The following PRRC2B variants were observed in gnomAD, a reference collection of about 807,000 sequenced individuals.
The protein encoded by PRRC2B is protein PRRC2B.
In PRRC2B, 68 loss-of-function variants were observed where a neutral mutation model predicts 242.3. The ratio of observed to expected loss-of-function variants is 0.28; its 90% CI spans 0.23 to 0.34. The LOEUF (loss-of-function observed/expected upper bound fraction) is 0.34, where lower values mean the gene tolerates loss of function less well. PRRC2B is among the 10% of genes least tolerant of loss of function. PRRC2B has a pLI of 1.00. For missense variants in PRRC2B, 2,835 were observed against 2,954.8 expected, an observed-to-expected ratio of 0.96 and a Z score of 0.94; for synonymous variants, 1,228 against 1,173.6, an observed-to-expected ratio of 1.05 and a Z score of -0.95.
chr9:131,395,790 G>C (rs1837035805), intron 1 of PRRC2B, among the ~76,000 whole-genome samples: 1 of 152,216 alleles, frequency 6.6e-6, no homozygotes, highest in Admixed American at 6.5e-5. Context: ...CTCTCGGGAG[G>C]CAGGGATGGG....
chr9:131,418,242 A>G (rs545116054), intron 1 of PRRC2B, among the ~76,000 whole-genome samples: 2 of 152,348 alleles, frequency 1.3e-5, no homozygotes, highest in East Asian at 3.9e-4. Context: ...GTCACTGAGA[A>G]AACAGTAAGT....
chr9:131,474,538 G>A lies in PRRC2B; in HGVS notation c.2409G>A (p.Glu803=). 6.2e-7 allele frequency: 1 copy of A among 1,613,970 alleles called. No homozygotes were observed. ...QRDLFEERGE[E]YLSAFDKKAQ... is the part of the protein sequence containing the mutation. ...ATCTCTTTGAGGAGAGAGGGGAGGA[G>A]TACTTGAGTGCTTTTGACAAGAAGG... Residue 803 remains glutamate (E), a synonymous_variant, in exon 16 of 32, where the codon GAG becomes GAA. Coordinates refer to ENST00000683519, the MANE Select transcript of PRRC2B (RefSeq NM_013318.4).
chr9:131,401,292 C>T (rs1837220881), intron 1 of PRRC2B, among the ~76,000 whole-genome samples: 1 of 152,116 alleles, frequency 6.6e-6, no homozygotes, highest in Non-Finnish European at 1.5e-5. Context: ...CCAGAACGTT[C>T]TCATCTTCCC....
rs747791419 is a variant in PRRC2B, at chr9:131,474,874, G to A, written c.2745G>A (p.Glu915=). The A allele has an allele frequency of 1.7e-5, 28 of 1,603,702 alleles. 1 individual carries two copies. The South Asian group carries it at 2.5e-4, about 14-fold the overall frequency. Residue 915 remains glutamate (E), a synonymous_variant, in exon 16 of 32, where the codon GAG becomes GAA. Coordinates refer to ENST00000683519, the MANE Select transcript of PRRC2B (RefSeq NM_013318.4). Reference sequence around the variant, plus strand: ...GCCCCAACAAACAGCCATCCTCGGAGCCTGAATGGACTCCCGAGCCCCGGA... The same window carrying A: ...GCCCCAACAAACAGCCATCCTCGGAACCTGAATGGACTCCCGAGCCCCGGA... ...NGSPNKQPSS[E]PEWTPEPRSS... is the part of the protein sequence containing the mutation.
chr9:131,484,990 C>T lies in PRRC2B; in HGVS notation c.5608C>T (p.Pro1870Ser), dbSNP rs868145392. The T allele has an allele frequency of 1.2e-6, 2 of 1,613,220 alleles. No homozygotes were observed. Among genetic ancestry groups the T allele is most frequent in the Admixed American group, 1.7e-5 (1 of 59,942 alleles). The change falls in exon 25 of 32, where the codon CCG becomes TCG. Residue 1870 changes from proline (P) to serine (S), a missense_variant. Pro to Ser is a moderately conservative substitution (Grantham distance 74). Around this residue, in one of 7 missense-constraint regions of PRRC2B, gnomAD observed 574 missense variants for 626.0 expected, o/e 0.92. Coordinates refer to ENST00000683519, the MANE Select transcript of PRRC2B (RefSeq NM_013318.4). ...RKAWENSPSL[P>S]EQSSPGGAGS... ...GGCTTGGGAAAACTCCCCCAGTTTGCCGGAGCAGAGCTCTCCAGGCGGCGC... is the reference window on the plus strand; with the variant it reads ...GGCTTGGGAAAACTCCCCCAGTTTGTCGGAGCAGAGCTCTCCAGGCGGCGC...
At chr9:131,463,628 CTT>C (rs374951504) in intron 11 of PRRC2B, among the ~76,000 whole-genome samples, 15,007 of 125,654 alleles carry the variant, frequency 0.12, 830 homozygotes, top group Non-Finnish European at 0.13. Flanking sequence ...TTTAGGCATG[CTT>C]TTTTTTTTTT....
rs1351393995 is a variant in PRRC2B at position 131,485,057 on chromosome 9, G to A, written c.5675G>A (p.Ser1892Asn). 6.2e-7 allele frequency: 1 copy of A among 1,610,050 alleles called. No individual in the cohort carries two copies. Among genetic ancestry groups the A allele is most frequent in the African/African-American group, 1.3e-5 (1 of 74,848 alleles). The change falls in exon 25 of 32, where the codon AGC becomes AAC. Residue 1892 changes from serine (S) to asparagine (N), a missense_variant. Around this residue, in one of 7 missense-constraint regions of PRRC2B, gnomAD observed 574 missense variants for 626.0 expected, o/e 0.92. Transcript: ENST00000683519. ...CCTCCATCCTCTGTGGGTGCCTCCA[G>A]CGGGGTCAACTACAGCTCCTTCGGT... The part of the protein sequence containing the change: ...IQPPSSVGAS[S>N]GVNYSSFGGV...
chr9:131,420,497 T>TTTCTTTC (rs1837801640), intron 1 of PRRC2B, among the ~76,000 whole-genome samples: 4 of 16,464 alleles, frequency 2.4e-4, no homozygotes, highest in Non-Finnish European at 3.0e-4. Context: ...TTCTTTCTTT[T>TTTCTTTC]TTTTTTTTTT....
At chr9:131,495,624 C>G in intron 31 of PRRC2B, 116 bp from the exon 32 acceptor site, 2 of 1,224,534 alleles carry the variant, frequency 1.6e-6, no homozygotes, top group Non-Finnish European at 1.1e-6. Flanking sequence ...AAGGGACTGA[C>G]AACTTAGGGG....
At chr9:131,479,554 G>A (rs529082894) in intron 19 of PRRC2B, among the ~76,000 whole-genome samples, 161 bp downstream of exon 19, 17 of 152,324 alleles carry the variant, frequency 1.1e-4, no homozygotes, top group South Asian at 4.1e-4. Flanking sequence ...GCTGAATGCC[G>A]TCTGAGTGAT....
intron 18 of PRRC2B, 21 bp downstream of exon 18, chr9:131,478,640 G>A (rs1485654430): frequency 1.3e-5 from 13 of 1,030,294 alleles, no homozygotes; most frequent in East Asian, 2.8e-5. Flanking sequence ...GAGGGTGGGG[G>A]GGCATGGGGC....
At chr9:131,465,872 G>A (rs1365962506) in intron 12 of PRRC2B, among the ~76,000 whole-genome samples, 1 of 152,188 alleles carries the variant, frequency 6.6e-6, no homozygotes, top group African/African-American at 2.4e-5. Context: ...TTACAGGCGT[G>A]TGCCACGACG....
At chr9:131,424,231 G>A (rs1837924342) in intron 1 of PRRC2B, among the ~76,000 whole-genome samples, 1 of 151,420 alleles carries the variant, frequency 6.6e-6, no homozygotes, top group African/African-American at 2.4e-5. Flanking sequence ...CGTGAGCCCC[G>A]GCGCCTGGGT....
intron 19 of PRRC2B, among the ~76,000 whole-genome samples, chr9:131,479,712 G>A (rs1943803555): frequency 6.6e-6 from 1 of 152,146 alleles, no homozygotes; most frequent in South Asian, 2.1e-4. Context: ...TTTGTTGGTC[G>A]TCGTTTTCTC....
intron 14 of PRRC2B, among the ~76,000 whole-genome samples, chr9:131,472,685 G>T (rs1943580712): frequency 6.6e-6 from 1 of 151,904 alleles, no homozygotes; most frequent in Non-Finnish European, 1.5e-5. Flanking sequence ...CACTATGTTG[G>T]TCAGGCTGGT....
Position 131,482,889 on chromosome 9 carries a change from A to G in PRRC2B, c.5355A>G (p.Glu1785=), listed in dbSNP as rs1363003221. Residue 1785 remains glutamate, a synonymous_variant, in exon 22 of 32, where the codon GAA becomes GAG. Coordinates refer to ENST00000683519, the MANE Select transcript of PRRC2B (RefSeq NM_013318.4). This position sits in a 1 kb window ranked among gnomAD's most constrained non-coding sequence, Gnocchi z 5.2. ...CCGTGCTGCCTGTGCCACCCATTGA[A>G]TTTGGAGTCAGTCCAAAAGTGAGGC... ...VDSVLPVPPI[E]FGVSPKDSDF... 3.1e-6 allele frequency: 5 copies of G among 1,607,072 alleles called. No homozygotes were observed. Among genetic ancestry groups the G allele is most frequent in the African/African-American group, 1.3e-5 (1 of 74,796 alleles).
In PRRC2B at chr9:131,482,644, C is replaced by G. The variant is rs747787894; in HGVS notation, c.5176-66C>G. On this transcript the variant is annotated intron_variant, in intron 21 of 31. Coordinates refer to ENST00000683519, the MANE Select transcript of PRRC2B (RefSeq NM_013318.4). This position sits in a 1 kb window ranked among gnomAD's most constrained non-coding sequence, Gnocchi z 5.2. ...TCATCATCTTCCTCAATTCCTGGGA[C>G]AGTAGAAGCTAGAGAGTGTGGTCAT... is the stretch of plus-strand genomic sequence containing the variant. 37 of 1,518,446 alleles carry G rather than the reference C, an allele frequency of 2.4e-5. No individual in the cohort carries two copies. Among genetic ancestry groups the G allele is most frequent in the Non-Finnish European group, 3.3e-5 (37 of 1,129,044 alleles). 94.1% of individuals were successfully genotyped at this position (1,518,446 alleles called of 1,614,324 possible).
At chr9:131,413,601 C>T (rs770425885) in intron 1 of PRRC2B, among the ~76,000 whole-genome samples, 1 of 152,216 alleles carries the variant, frequency 6.6e-6, no homozygotes, top group African/African-American at 2.4e-5. Flanking sequence ...CTCCTGGCTT[C>T]AGAATCATCC....
intron 1 of PRRC2B, among the ~76,000 whole-genome samples, chr9:131,419,294 A>C (rs532960061): frequency 6.6e-6 from 1 of 152,220 alleles, no homozygotes; most frequent in East Asian, 1.9e-4. Context: ...AAAGGGGTCC[A>C]CTAGCAGATC....
Sources: allele counts gnomAD v4.1 joint callset (sites outside exome capture counted in the v4.1 genomes callset), GRCh38; gene constraint gnomAD v4.1.1; regional missense constraint gnomAD v4.1.1; non-coding constraint Gnocchi (gnomAD v3.1); transcripts MANE v1.5; gene names NCBI Gene and HGNC (gene_info 2026-07-23, HGNC 2026-07-21).